The following CNTN1 variants were observed in gnomAD, a reference collection of about 807,000 sequenced individuals.
CNTN1 encodes contactin-1.
Under a neutral mutation model 126.4 loss-of-function variants are expected in CNTN1, and 38 were observed. That is an observed-to-expected ratio of 0.30 (90% confidence interval 0.23 to 0.39). The LOEUF (loss-of-function observed/expected upper bound fraction) is 0.39. Ranked by LOEUF, CNTN1 falls within the 10% of genes least tolerant of loss-of-function variation. CNTN1 has a pLI of 1.00. For synonymous variants in CNTN1, 413 were observed against 422.6 expected (o/e 0.98, Z 0.28); for missense variants, 1,009 against 1,248.4 (o/e 0.81, Z 2.89).
chr12:40,880,666 G>A (rs1378709196), intron 1 of CNTN1, among the ~76,000 whole-genome samples: 1 of 151,994 alleles, frequency 6.6e-6, no homozygotes, highest in Admixed American at 6.6e-5. Flanking sequence ...AGAGAACCCA[G>A]CTAAAGCTGA....
chr12:41,070,216 C>A lies in CNTN1; in HGVS notation c.*181C>A. ...TGAGGCATTCGGGAACCCCTTCATC[C>A]AAAAGAATAAACTTTTAAATGGATA... is the stretch of plus-strand genomic sequence containing the variant. On this transcript the variant is annotated 3_prime_UTR_variant, in exon 24 of 24. Transcript: ENST00000551295. 1.6e-6 allele frequency: 1 copy of A among 640,078 alleles called. No individual in the cohort carries two copies. Among genetic ancestry groups the A allele is most frequent in the Non-Finnish European group, 2.8e-6 (1 of 357,488 alleles). 39.6% of individuals were successfully genotyped at this position (640,078 alleles called of 1,614,324 possible). A position where few individuals can be genotyped will look rare whatever the true frequency, so the allele number is the denominator to read the frequency against.
chr12:40,881,171 A>C (rs1291689958), intron 1 of CNTN1, among the ~76,000 whole-genome samples: 1 of 151,956 alleles, frequency 6.6e-6, no homozygotes, highest in Non-Finnish European at 1.5e-5. Context: ...ACTGGAAACA[A>C]GTGCAATGCA....
At chr12:40,804,773 T>C (rs768443346) in intron 1 of CNTN1, among the ~76,000 whole-genome samples, 4 of 152,054 alleles carry the variant, frequency 2.6e-5, no homozygotes, top group Non-Finnish European at 5.9e-5. Context: ...CTCTCCAGCA[T>C]CACATTCTTT....
At chr12:40,823,946 A>G (rs1205433712) in intron 1 of CNTN1, among the ~76,000 whole-genome samples, 1 of 152,118 alleles carries the variant, frequency 6.6e-6, no homozygotes, top group Non-Finnish European at 1.5e-5. Context: ...CCTCATCACC[A>G]TATCCTTACA....
intron 23 of CNTN1, among the ~76,000 whole-genome samples, chr12:41,045,172 C>T (rs1050652255): frequency 2.0e-5 from 3 of 151,958 alleles, no homozygotes; most frequent in South Asian, 2.1e-4. Flanking sequence ...CACCTACCCC[C>T]GCCCCAAATC....
intron 3 of CNTN1, among the ~76,000 whole-genome samples, chr12:40,915,408 T>C (rs1217108442): frequency 8.5e-5 from 13 of 152,128 alleles, no homozygotes; most frequent in Non-Finnish European, 4.4e-5. Flanking sequence ...TAGAAGCCAC[T>C]TTAGAAGCAG....
intron 1 of CNTN1, among the ~76,000 whole-genome samples, chr12:40,817,694 T>C (rs1006488862): frequency 1.3e-5 from 2 of 152,096 alleles, no homozygotes; most frequent in African/African-American, 4.8e-5. Flanking sequence ...ATGTGCGAGT[T>C]TGATCCTATC....
At chr12:40,847,299 T>A (rs1023518688) in intron 1 of CNTN1, among the ~76,000 whole-genome samples, 73 of 152,236 alleles carry the variant, frequency 4.8e-4, no homozygotes, top group Admixed American at 4.7e-3. Context: ...CTTCCAGGGA[T>A]CCTTAGTTTT....
chr12:40,966,517 A>T (rs1213380049), intron 15 of CNTN1, among the ~76,000 whole-genome samples: 1 of 152,232 alleles, frequency 6.6e-6, no homozygotes, highest in Non-Finnish European at 1.5e-5. Flanking sequence ...TATTGAGCTG[A>T]AATGCATATT....
In CNTN1 at chr12:40,725,401, C is replaced by CAA. The variant is rs34242859; in HGVS notation, c.-77+32830_-77+32831dup. 5.0e-3 allele frequency among the ~76,000 whole-genome samples: 222 copies of CAA among 44,222 alleles called. 2 individuals are homozygous for CAA. Among genetic ancestry groups the CAA allele is most frequent in the Middle Eastern group, 0.015 (1 of 66 alleles). The allele number at this position is 44,222 out of a possible 152,430, so 29.0% of individuals were successfully genotyped here. On this transcript the variant is annotated intron_variant, in intron 1 of 23. Coordinates refer to ENST00000551295, the MANE Select transcript of CNTN1 (RefSeq NM_001843.4). The stretch of plus-strand genomic sequence containing the variant: ...GGGCAACAAAAGTGAAACTCTGTCT[C>CAA]AAAAAAAAAAAAAAAAAAAAAAGGA...
At chr12:40,980,853 T>C (rs1488236116) in intron 15 of CNTN1, 56 bp from the exon 16 acceptor site, 2 of 1,479,904 alleles carry the variant, frequency 1.4e-6, no homozygotes, top group African/African-American at 2.8e-5. Context: ...TATTCTAATG[T>C]GTGTTTGACT....
intron 23 of CNTN1, among the ~76,000 whole-genome samples, chr12:41,049,953 A>G (rs899857238): frequency 6.6e-6 from 1 of 152,174 alleles, no homozygotes; most frequent in Non-Finnish European, 1.5e-5. Context: ...TCTGGAGTGC[A>G]GAGTAGCACA....
chr12:41,059,738 G>T (rs1949899292), intron 23 of CNTN1, among the ~76,000 whole-genome samples: 1 of 152,052 alleles, frequency 6.6e-6, no homozygotes. Context: ...AAAATCCATT[G>T]AACAGGCCAA....
chr12:40,706,974 A>G (rs989398983), intron 1 of CNTN1, among the ~76,000 whole-genome samples: 13 of 152,118 alleles, frequency 8.5e-5, no homozygotes, highest in African/African-American at 3.1e-4. Context: ...AAAAATTTTG[A>G]TCAACCTAGA....
intron 12 of CNTN1, among the ~76,000 whole-genome samples, chr12:40,943,371 C>T (rs192822619): frequency 6.6e-6 from 1 of 151,582 alleles, no homozygotes; most frequent in African/African-American, 2.4e-5. Context: ...AAGACTACGG[C>T]AATAGTTCAA....
chr12:40,838,759 C>A (rs1440119992), intron 1 of CNTN1, among the ~76,000 whole-genome samples: 1 of 152,080 alleles, frequency 6.6e-6, no homozygotes, highest in Non-Finnish European at 1.5e-5. Context: ...ATAGAAATAT[C>A]CTTAGGAAAA....
chr12:40,762,912 C>A (rs1257809217), intron 1 of CNTN1, among the ~76,000 whole-genome samples: 1 of 152,176 alleles, frequency 6.6e-6, no homozygotes, highest in African/African-American at 2.4e-5. Flanking sequence ...ATGTTGAAAT[C>A]TGGTCCCCAG....
At chr12:41,027,213 C>T (rs1949055243) in intron 21 of CNTN1, among the ~76,000 whole-genome samples, 1 of 152,000 alleles carries the variant, frequency 6.6e-6, no homozygotes, top group Admixed American at 6.6e-5. Flanking sequence ...CCTATAGCCA[C>T]ATATGTCTAG....
chr12:40,785,626 G>A lies in CNTN1; in HGVS notation c.-77+93034G>A, dbSNP rs144767693. Among the ~76,000 whole-genome samples, 576 of 152,206 alleles carry A rather than the reference G, an allele frequency of 3.8e-3. 4 individuals are homozygous for A. Among genetic ancestry groups the A allele is most frequent in the African/African-American group, 0.013 (548 of 41,528 alleles). ...CACAAAGTACATTCTCAAGGGTGGG[G>A]AGAATTACAAAGAACCTTCTTAAGG... On this transcript the variant is annotated intron_variant, in intron 1 of 23. Coordinates refer to ENST00000551295, the MANE Select transcript of CNTN1 (RefSeq NM_001843.4).
Sources: gnomAD v4.1 joint callset for allele counts (sites outside exome capture counted in the v4.1 genomes callset) on GRCh38, gnomAD v4.1.1 for gene constraint, MANE v1.5 for transcripts, NCBI Gene and HGNC (gene_info 2026-07-23, HGNC 2026-07-21) for gene names.